The following CCDC85C variants were observed in gnomAD, a reference collection of about 807,000 sequenced individuals.
CCDC85C encodes the protein coiled-coil domain containing 85C, also known as coiled-coil domain-containing protein 85C.
Under a neutral mutation model 38.3 loss-of-function variants are expected in CCDC85C, and 18 were observed. The ratio of observed to expected loss-of-function variants is 0.47; its 90% CI spans 0.33 to 0.70. The LOEUF is 0.70. Among genes scored for constraint, CCDC85C ranks in the 30% least tolerant of loss-of-function variants. The probability of loss-of-function intolerance (pLI) is 0.03; values close to 1 mark genes in which losing one functional copy is unlikely to be tolerated. For synonymous variants in CCDC85C, 264 were observed against 293.8 expected (o/e 0.90, Z 1.04); for missense variants, 566 against 621.2 (o/e 0.91, Z 0.94).
At chr14:99,532,251 GC>G (rs996605772) in intron 2 of CCDC85C, among the ~76,000 whole-genome samples, 1 of 152,186 alleles carries the variant, frequency 6.6e-6, no homozygotes, top group African/African-American at 2.4e-5. Context: ...AGGGAGGGCT[GC>G]AGACAGGAGG....
In CCDC85C at chr14:99,505,549, G is replaced by A. The variant is rs1896952928; in HGVS notation, c.*9697C>T. ...CCTTTTATTTCCAGAGTCTTGCTCT[G>A]TTAATGCAGGCTGGAGTGCTCCTTT... On this transcript the variant is annotated 3_prime_UTR_variant, in exon 6 of 6. Coordinates refer to ENST00000380243, the MANE Select transcript of CCDC85C (RefSeq NM_001144995.2). 1 of 152,188 alleles carries A rather than the reference G, an allele frequency of 6.6e-6. No homozygotes were observed. Among genetic ancestry groups the A allele is most frequent in the Non-Finnish European group, 1.5e-5 (1 of 68,040 alleles). 9.4% of individuals were successfully genotyped at this position (152,188 alleles called of 1,614,324 possible).
At chr14:99,526,693 G>A (rs549624410) in intron 2 of CCDC85C, among the ~76,000 whole-genome samples, 1 of 152,210 alleles carries the variant, frequency 6.6e-6, no homozygotes, top group Non-Finnish European at 1.5e-5. Flanking sequence ...GAGCTCCCAG[G>A]GTTGGTCAGT....
chr14:99,555,344 T>A (rs1897990608), intron 1 of CCDC85C, among the ~76,000 whole-genome samples: 1 of 152,046 alleles, frequency 6.6e-6, no homozygotes, highest in African/African-American at 2.4e-5. Context: ...CTTGGGACTC[T>A]AGGGTGTCCG....
rs370138334 is a variant in CCDC85C, at chr14:99,586,736, T to G, written c.793+16431A>C. On this transcript the variant is annotated intron_variant, in intron 1 of 5. Transcript: ENST00000380243. ...CTCTCCCTGTCTGAGCCACCGGAGA[T>G]GTGGACAACAGCAATGTGTCGGCGG... 2.6e-5 allele frequency among the ~76,000 whole-genome samples: 4 copies of G among 152,286 alleles called. No homozygotes were observed. In the East Asian group the frequency reaches 5.8e-4, roughly 22 times the overall value.
At position 99,576,064 on chromosome 14, in the gene CCDC85C, T is replaced by C. The variant is rs979871112; in HGVS notation, c.793+27103A>G. ...CCCACTCCTCCAAACCTCACCGATC[T>C]GTGCCCGTCTAATGAGGGTGGCTCA... On this transcript the variant is annotated intron_variant, in intron 1 of 5. Transcript: ENST00000380243. The surrounding 1 kb of genome is among the most constrained non-coding windows in gnomAD (Gnocchi z 4.8). Among the ~76,000 whole-genome samples, 2 of 152,226 alleles carry C rather than the reference T, an allele frequency of 1.3e-5. No homozygotes were observed. The highest frequency in any genetic ancestry group is 2.1e-4 in the South Asian group (1 of 4,836).
intron 1 of CCDC85C, among the ~76,000 whole-genome samples, chr14:99,574,498 G>A (rs1378085065): frequency 7.2e-5 from 11 of 152,150 alleles, no homozygotes; most frequent in Non-Finnish European, 1.5e-4. Flanking sequence ...CCGAGGCACA[G>A]GGAACCCTGC....
intron 2 of CCDC85C, among the ~76,000 whole-genome samples, chr14:99,526,132 C>T (rs991992323): frequency 5.9e-5 from 9 of 152,214 alleles, no homozygotes; most frequent in African/African-American, 1.9e-4. Flanking sequence ...TCCCCCAGCC[C>T]AGACTCTCCT....
chr14:99,565,392 A>T (rs1898196625), intron 1 of CCDC85C, among the ~76,000 whole-genome samples: 1 of 152,218 alleles, frequency 6.6e-6, no homozygotes, highest in African/African-American at 2.4e-5. Flanking sequence ...CAATGTGGAG[A>T]AGGGAAGGAG....
At chr14:99,551,498 T>C (rs564624960) in intron 1 of CCDC85C, among the ~76,000 whole-genome samples, 323 of 149,312 alleles carry the variant, frequency 2.2e-3, no homozygotes, top group Non-Finnish European at 1.8e-3. Flanking sequence ...TAGAAGGCAG[T>C]GTGCAGGTGG....
intron 1 of CCDC85C, among the ~76,000 whole-genome samples, chr14:99,581,649 G>C (rs930622095): frequency 6.6e-6 from 1 of 152,216 alleles, no homozygotes; most frequent in African/African-American, 2.4e-5. Flanking sequence ...CAGGCCAAAG[G>C]AGGATTTCCA....
At chr14:99,561,869 G>A (rs1898123638) in intron 1 of CCDC85C, among the ~76,000 whole-genome samples, 1 of 152,238 alleles carries the variant, frequency 6.6e-6, no homozygotes, top group African/African-American at 2.4e-5. Context: ...CGGCGTTGGT[G>A]AGATTAAACG....
intron 3 of CCDC85C, among the ~76,000 whole-genome samples, chr14:99,521,519 C>T (rs889358012): frequency 2.0e-5 from 3 of 152,168 alleles, no homozygotes; most frequent in Non-Finnish European, 2.9e-5. Context: ...CGAGAACAGC[C>T]GATGCTTCCC....
intron 1 of CCDC85C, among the ~76,000 whole-genome samples, chr14:99,549,021 C>G (rs1897856822): frequency 6.6e-6 from 1 of 152,158 alleles, no homozygotes; most frequent in Non-Finnish European, 1.5e-5. Context: ...TGGGCCTCAG[C>G]TCTCCCTGGG....
At chr14:99,567,122 G>C (rs958504777) in intron 1 of CCDC85C, among the ~76,000 whole-genome samples, 3 of 134,356 alleles carry the variant, frequency 2.2e-5, no homozygotes, top group Non-Finnish European at 4.7e-5. Context: ...GCTTCCTCAT[G>C]TGTGAGATGG....
intron 1 of CCDC85C, among the ~76,000 whole-genome samples, chr14:99,562,586 C>A (rs1898138193): frequency 2.0e-5 from 3 of 152,170 alleles, no homozygotes; most frequent in Non-Finnish European, 4.4e-5. Context: ...CCGAAACCTG[C>A]CTAGGTTGGC....
intron 1 of CCDC85C, among the ~76,000 whole-genome samples, chr14:99,564,016 G>A (rs1015171987): frequency 6.6e-5 from 10 of 152,314 alleles, no homozygotes; most frequent in African/African-American, 2.2e-4. Flanking sequence ...CCGTTTTCCT[G>A]CAGGAAAAAT....
In CCDC85C at chr14:99,501,311, A is replaced by G. The variant is rs754486460; in HGVS notation, c.*13935T>C. ...TAATAAATACTTGATGCTGCCTGTGAATTTTTCTATTGCTATTAATTTACC... is the reference window on the plus strand; with the variant it reads ...TAATAAATACTTGATGCTGCCTGTGGATTTTTCTATTGCTATTAATTTACC... On this transcript the variant is annotated 3_prime_UTR_variant, in exon 6 of 6. Coordinates refer to ENST00000380243, the MANE Select transcript of CCDC85C (RefSeq NM_001144995.2). 9.4e-5 allele frequency: 118 copies of G among 1,258,882 alleles called. 1 individual carries two copies. In the Admixed American group the frequency reaches 2.0e-3, roughly 21 times the overall value. 78.0% of individuals were successfully genotyped at this position (1,258,882 alleles called of 1,614,324 possible).
In CCDC85C at chr14:99,511,036, G is replaced by A. The variant is rs1221773317; in HGVS notation, c.*4210C>T. 31 of 337,550 alleles carry A rather than the reference G, an allele frequency of 9.2e-5. 1 individual carries two copies. The East Asian group carries it at 1.3e-3, about 15-fold the overall frequency. 20.9% of individuals were successfully genotyped at this position (337,550 alleles called of 1,614,324 possible). A position where few individuals can be genotyped will look rare whatever the true frequency, so the allele number is the denominator to read the frequency against. ...CACTTGGTTCAGCTAATGTCTGAGAGTCCTGCACTGGGTTACTTTATACTA... is the reference window on the plus strand; with the variant it reads ...CACTTGGTTCAGCTAATGTCTGAGAATCCTGCACTGGGTTACTTTATACTA... On this transcript the variant is annotated 3_prime_UTR_variant, in exon 6 of 6. Coordinates refer to ENST00000380243, the MANE Select transcript of CCDC85C (RefSeq NM_001144995.2).
chr14:99,574,085 C>T lies in CCDC85C; in HGVS notation c.793+29082G>A, dbSNP rs904683027. ...GAGGGCTCAGTGCACATGCCAGGGA[C>T]GCGCAGGAGTTAAATTCTGAGACAG... On this transcript the variant is annotated intron_variant, in intron 1 of 5. Coordinates refer to ENST00000380243, the MANE Select transcript of CCDC85C (RefSeq NM_001144995.2). 3.7e-4 allele frequency among the ~76,000 whole-genome samples: 57 copies of T among 152,130 alleles called. 3 individuals carry two copies. Among genetic ancestry groups the T allele is most frequent in the Non-Finnish European group, 1.6e-4 (11 of 68,034 alleles).
Sources: allele counts gnomAD v4.1 joint callset (sites outside exome capture counted in the v4.1 genomes callset), GRCh38; gene constraint gnomAD v4.1.1; non-coding constraint Gnocchi (gnomAD v3.1); transcripts MANE v1.5; gene names NCBI Gene and HGNC (gene_info 2026-07-23, HGNC 2026-07-21).